Variants in ELAVL2 observed in about 807,000 individuals in gnomAD.
The protein encoded by ELAVL2 is ELAV like RNA binding protein 2.
Under a neutral mutation model 34.6 loss-of-function variants are expected in ELAVL2, and 4 were observed. The observed-to-expected ratio is 0.12, with a 90% CI of 0.06 to 0.26. The LOEUF is 0.26. Ranked by LOEUF, ELAVL2 falls within the 10% of genes least tolerant of loss-of-function variation. The pLI is 1.00. For missense variants in ELAVL2, 432 were observed against 442.8 expected (o/e 0.98, Z 0.22); for synonymous variants, 193 against 154.8 (o/e 1.25, Z -1.83).
intron 2 of ELAVL2, among the ~76,000 whole-genome samples, chr9:23,738,082 T>C (rs1461603770): frequency 6.6e-6 from 1 of 152,184 alleles, no homozygotes; most frequent in Non-Finnish European, 1.5e-5. Flanking sequence ...CAGATGGACT[T>C]ACTGTTCTTG....
At chr9:23,840,044 A>G in the ELAVL2 span, among the ~76,000 whole-genome samples, 4 of 152,204 alleles carry the variant, frequency 2.6e-5, no homozygotes, top group Non-Finnish European at 5.9e-5. Flanking sequence ...CTTGGTTAAA[A>G]GTATTCACGC....
intron 1 of ELAVL2, 35 bp downstream of exon 1, chr9:23,825,771 C>T (rs2065260718): frequency 6.6e-6 from 1 of 152,228 alleles, no homozygotes; most frequent in Non-Finnish European, 1.5e-5. Context: ...CGCATCGCTG[C>T]AACTAATGAT....
chr9:23,798,819 G>A (rs1646130976), intron 1 of ELAVL2, among the ~76,000 whole-genome samples: 1 of 152,008 alleles, frequency 6.6e-6, no homozygotes, highest in African/African-American at 2.4e-5. Context: ...CCAGGCACAC[G>A]TGTAATTAAA....
intron 3 of ELAVL2, among the ~76,000 whole-genome samples, chr9:23,709,331 T>C (rs2040287625): frequency 2.0e-5 from 3 of 152,172 alleles, no homozygotes; most frequent in South Asian, 2.1e-4. Flanking sequence ...AGAAGGCTGA[T>C]AGTGGGATAA....
At chr9:23,770,314 T>G (rs1302408247) in intron 1 of ELAVL2, among the ~76,000 whole-genome samples, 1 of 152,102 alleles carries the variant, frequency 6.6e-6, no homozygotes, top group African/African-American at 2.4e-5. Context: ...AAGGTGAGCT[T>G]TGAACCAAGG....
chr9:23,692,832 G>C lies in ELAVL2; in HGVS notation c.805C>G (p.Pro269Ala). The change falls in exon 7 of 7, where the codon CCT becomes GCT. Residue 269 changes from proline (P) to alanine (A), a missense_variant. This residue lies in a region of ELAVL2 where 295 missense variants were observed against 306.1 expected (regional missense o/e 0.96). Transcript: ENST00000397312. ...GMTSLAGINI[P>A]GHPGTGWCIF... ...CACCACCCTGTTCCAGGGTGCCCAG[G>C]GATATTAATTCCAGCCAAACTGGTC... 6 of 1,614,008 alleles carry C rather than the reference G, an allele frequency of 3.7e-6. No homozygotes were observed. The highest frequency in any genetic ancestry group is 5.1e-6 in the Non-Finnish European group (6 of 1,179,978).
chr9:23,809,132 G>C (rs2062635727), intron 1 of ELAVL2, among the ~76,000 whole-genome samples: 1 of 152,156 alleles, frequency 6.6e-6, no homozygotes, highest in African/African-American at 2.4e-5. Flanking sequence ...CCAGTACGGA[G>C]CAGCCTTGTC....
rs145711047 is a variant in ELAVL2, at chr9:23,812,341, A to T, written c.-16+13465T>A. 1.0e-3 allele frequency among the ~76,000 whole-genome samples: 154 copies of T among 152,258 alleles called. 2 individuals carry two copies. In the East Asian group the frequency reaches 0.025, roughly 25 times the overall value. ...TATTGATCCTTCAACAAACTCAAAA[A>T]CAAAATTAGATTAATTTGGAAAAGC... On this transcript the variant is annotated intron_variant, in intron 1 of 6. Coordinates refer to ENST00000397312, the MANE Select transcript of ELAVL2 (RefSeq NM_004432.5).
chr9:23,782,366 C>T (rs1465332739), intron 1 of ELAVL2, among the ~76,000 whole-genome samples: 1 of 151,808 alleles, frequency 6.6e-6, no homozygotes, highest in Admixed American at 6.6e-5. Context: ...GAAACCCCAG[C>T]TCTACTAAAA....
chr9:23,776,120 G>A (rs894865624), intron 1 of ELAVL2, among the ~76,000 whole-genome samples: 11 of 152,156 alleles, frequency 7.2e-5, no homozygotes, highest in African/African-American at 2.4e-4. Context: ...TATAGCTGGA[G>A]GAGCAGCCAA....
At chr9:23,718,320 C>T (rs1271812983) in intron 3 of ELAVL2, among the ~76,000 whole-genome samples, 5 of 152,064 alleles carry the variant, frequency 3.3e-5, no homozygotes, top group Non-Finnish European at 4.4e-5. Context: ...GTAAACCATA[C>T]GCTATCCAAG....
chr9:23,844,949 G>C, the ELAVL2 span, among the ~76,000 whole-genome samples: 1 of 151,866 alleles, frequency 6.6e-6, no homozygotes, highest in Non-Finnish European at 1.5e-5. Context: ...ACTTTCTTAA[G>C]ATCCTTTGTT....
chr9:23,783,272 C>G (rs963548352), intron 1 of ELAVL2, among the ~76,000 whole-genome samples: 2 of 152,108 alleles, frequency 1.3e-5, no homozygotes, highest in African/African-American at 2.4e-5. Context: ...CAAAGAGAAA[C>G]TAGCTTGTAA....
At chr9:23,710,788 A>G (rs1457999072) in intron 3 of ELAVL2, among the ~76,000 whole-genome samples, 17 of 152,180 alleles carry the variant, frequency 1.1e-4, no homozygotes, top group Admixed American at 1.1e-3. Flanking sequence ...ATAACTCAAT[A>G]AAAGTTAGCT....
Position 23,691,687 on chromosome 9 carries a change from T to TC in ELAVL2, c.*869dup, listed in dbSNP as rs374066885. ...TTACAAAAATGAAACCAGCAGTGTT[T>TC]CCCCCCATTGATTCTACTCCTTTCA... On this transcript the variant is annotated 3_prime_UTR_variant, in exon 7 of 7. Transcript: ENST00000397312. The TC allele has an allele frequency of 8.8e-4, 134 of 152,640 alleles. 2 individuals carry two copies. Among genetic ancestry groups the TC allele is most frequent in the African/African-American group, 2.6e-3 (109 of 41,544 alleles). The allele number at this position is 152,640 out of a possible 1,614,324, so 9.5% of individuals were successfully genotyped here.
At chr9:23,693,565 A>G (rs1587145308) in intron 5 of ELAVL2, 79 bp from the exon 6 acceptor site, 1 of 1,511,568 alleles carries the variant, frequency 6.6e-7, no homozygotes, top group East Asian at 2.3e-5. Context: ...CATTACTGCC[A>G]TCTTCCGAGG....
intron 2 of ELAVL2, among the ~76,000 whole-genome samples, chr9:23,738,300 AT>A (rs2048361449): frequency 1.3e-5 from 2 of 152,130 alleles, no homozygotes; most frequent in Non-Finnish European, 2.9e-5. Flanking sequence ...TTTTCTCCAC[AT>A]TTTAATTCCT....
At chr9:23,719,681 A>C (rs555099688) in intron 3 of ELAVL2, among the ~76,000 whole-genome samples, 1 of 152,316 alleles carries the variant, frequency 6.6e-6, no homozygotes, top group Admixed American at 6.5e-5. Context: ...AATGTGTGGA[A>C]GCTCTTATAA....
chr9:23,839,323 G>T, the ELAVL2 span, among the ~76,000 whole-genome samples: 1 of 151,774 alleles, frequency 6.6e-6, no homozygotes, highest in South Asian at 2.1e-4. Context: ...AGGACATAAA[G>T]TGCCGCTGCC....
Sources: gnomAD v4.1 joint callset for allele counts (sites outside exome capture counted in the v4.1 genomes callset) on GRCh38, gnomAD v4.1.1 for gene constraint, gnomAD v4.1.1 regional missense constraint, MANE v1.5 for transcripts, NCBI Gene and HGNC (gene_info 2026-07-23, HGNC 2026-07-21) for gene names.